PHC3: variants seen among roughly 807,000 people sequenced by gnomAD.
PHC3 encodes the protein polyhomeotic homolog 3, also known as polyhomeotic-like protein 3.
A neutral mutation model predicts 107.4 loss-of-function variants in PHC3; 13 were observed. The observed-to-expected ratio is 0.12, with a 90% CI of 0.08 to 0.19. The LOEUF (loss-of-function observed/expected upper bound fraction) is 0.19. Among genes scored for constraint, PHC3 ranks in the 10% least tolerant of loss-of-function variants. The probability of loss-of-function intolerance (pLI) is 1.00; values close to 1 mark genes in which losing one functional copy is unlikely to be tolerated. For missense variants in PHC3, 992 were observed against 1,210.9 expected, an observed-to-expected ratio of 0.82 and a Z score of 2.68; for synonymous variants, 456 against 427.4, an observed-to-expected ratio of 1.07 and a Z score of -0.83.
At chr3:170,177,665 C>CCAATAGTATG in intron 2 of PHC3, among the ~76,000 whole-genome samples, 1 of 119,692 alleles carries the variant, frequency 8.4e-6, no homozygotes, top group South Asian at 2.6e-4. Flanking sequence ...CCACGCCCAG[C>CCAATAGTATG]ATTTTTTTTT....
chr3:170,157,794 G>C (rs1185878022), intron 4 of PHC3, among the ~76,000 whole-genome samples: 1 of 151,914 alleles, frequency 6.6e-6, no homozygotes, highest in Non-Finnish European at 1.5e-5. Flanking sequence ...TAAGGTTCTT[G>C]ATCTAAAAAC....
rs528054780 is a variant in PHC3 at position 170,162,645 on chromosome 3, C to T, written c.414+8728G>A. Reference sequence around the variant, plus strand: ...TTTGAATTATTACAAGAACATTTAACTCCATGCTTCTGTCTTTGACCCCTA... The same window carrying T: ...TTTGAATTATTACAAGAACATTTAATTCCATGCTTCTGTCTTTGACCCCTA... On this transcript the variant is annotated intron_variant, in intron 4 of 14. Transcript: ENST00000495893. Among the ~76,000 whole-genome samples, 120 of 152,336 alleles carry T rather than the reference C, an allele frequency of 7.9e-4. 2 individuals carry two copies. The highest frequency in any genetic ancestry group is 9.6e-4 in the East Asian group (5 of 5,188).
chr3:170,137,364 A>T (rs1275276941), intron 6 of PHC3, among the ~76,000 whole-genome samples: 1 of 152,166 alleles, frequency 6.6e-6, no homozygotes, highest in African/African-American at 2.4e-5. Flanking sequence ...GGATGGTAGC[A>T]AGGATTATCC....
intron 12 of PHC3, 57 bp downstream of exon 12, chr3:170,106,775 G>A (rs1469288045): frequency 1.6e-6 from 2 of 1,232,800 alleles, no homozygotes; most frequent in African/African-American, 1.5e-5. Context: ...GGGTTTTTTG[G>A]TTTAGTTGCA....
intron 8 of PHC3, among the ~76,000 whole-genome samples, chr3:170,123,440 G>C (rs1359746127): frequency 2.0e-5 from 3 of 151,564 alleles, no homozygotes. Context: ...ATGGGAGAAA[G>C]TTTTTAAGTC....
intron 6 of PHC3, among the ~76,000 whole-genome samples, chr3:170,138,314 T>G (rs901329296): frequency 1.3e-5 from 2 of 152,210 alleles, no homozygotes; most frequent in Non-Finnish European, 2.9e-5. Context: ...ATGGAGTGTC[T>G]TCTCTGATTT....
At chr3:170,135,781 A>C (rs1722976107) in intron 7 of PHC3, among the ~76,000 whole-genome samples, 1 of 152,174 alleles carries the variant, frequency 6.6e-6, no homozygotes, top group Admixed American at 6.6e-5. Flanking sequence ...ATCCTGAGAA[A>C]TTCTGAGATG....
chr3:170,180,605 C>T (rs1417512998), intron 1 of PHC3, among the ~76,000 whole-genome samples: 2 of 147,052 alleles, frequency 1.4e-5, no homozygotes, highest in Non-Finnish European at 3.0e-5. Context: ...AATCAAATCA[C>T]AGCATCATAT....
At chr3:170,178,020 T>C (rs1730765808) in intron 2 of PHC3, among the ~76,000 whole-genome samples, 2 of 152,026 alleles carry the variant, frequency 1.3e-5, no homozygotes, top group South Asian at 4.2e-4. Flanking sequence ...TGGTTAAATG[T>C]GTCCCCCAAT....
At chr3:170,139,127 T>C (rs967300313) in intron 6 of PHC3, among the ~76,000 whole-genome samples, 1 of 152,254 alleles carries the variant, frequency 6.6e-6, no homozygotes, top group Non-Finnish European at 1.5e-5. Context: ...TTACTAAATG[T>C]ATGTTTGTCT....
intron 1 of PHC3, among the ~76,000 whole-genome samples, chr3:170,179,171 G>A (rs1730997633): frequency 6.6e-6 from 1 of 152,106 alleles, no homozygotes; most frequent in African/African-American, 2.4e-5. Flanking sequence ...TTCAGAATAC[G>A]TAACTCAGAT....
intron 14 of PHC3, among the ~76,000 whole-genome samples, chr3:170,100,305 C>G (rs890977188): frequency 6.6e-6 from 1 of 151,812 alleles, no homozygotes; most frequent in Non-Finnish European, 1.5e-5. Flanking sequence ...TTAATGAGAG[C>G]TAAAAGAAGC....
chr3:170,130,738 C>T (rs1053311892), intron 7 of PHC3, among the ~76,000 whole-genome samples: 1 of 152,110 alleles, frequency 6.6e-6, no homozygotes, highest in Non-Finnish European at 1.5e-5. Context: ...TAGGGAGCCC[C>T]CCATCATGCC....
Position 170,097,432 on chromosome 3 carries a change from T to C in PHC3, c.2834-48A>G. On this transcript the variant is annotated intron_variant, in intron 14 of 14. Transcript: ENST00000495893. This position sits in a 1 kb window ranked among gnomAD's most constrained non-coding sequence, Gnocchi z 4.1. ...AAGTTAGAATTAAATATACAACAAT[T>C]AGACATTACTCCTAACAGTCACAGT... 1 of 1,565,684 alleles carries C rather than the reference T, an allele frequency of 6.4e-7. No individual in the cohort carries two copies. The highest frequency in any genetic ancestry group is 8.7e-7 in the Non-Finnish European group (1 of 1,148,854).
chr3:170,130,641 A>G (rs1722097944), intron 7 of PHC3, among the ~76,000 whole-genome samples: 1 of 152,330 alleles, frequency 6.6e-6, no homozygotes, highest in African/African-American at 2.4e-5. Context: ...AAAAACTTCA[A>G]TAATTGATGT....
At chr3:170,156,868 T>C (rs926595950) in intron 4 of PHC3, among the ~76,000 whole-genome samples, 1 of 152,250 alleles carries the variant, frequency 6.6e-6, no homozygotes, top group Non-Finnish European at 1.5e-5. Flanking sequence ...ATGCTGGGAT[T>C]ACAGGTGTGA....
At chr3:170,123,856 A>AC (rs756108938) in intron 8 of PHC3, among the ~76,000 whole-genome samples, 1 of 151,506 alleles carries the variant, frequency 6.6e-6, no homozygotes. Flanking sequence ...AACTAGAAAT[A>AC]CTTTTTTTTT....
chr3:170,181,685 A>G lies in PHC3; in HGVS notation c.14+17T>C. Reference sequence around the variant, plus strand: ...GCCCCCCCTAGTTACGACATCAGTCACCATCTAGTCACTCACTCCGCTTCC... The same window carrying G: ...GCCCCCCCTAGTTACGACATCAGTCGCCATCTAGTCACTCACTCCGCTTCC... On this transcript the variant is annotated intron_variant, in intron 1 of 14. Coordinates refer to ENST00000495893, the MANE Select transcript of PHC3 (RefSeq NM_024947.4). 6.2e-7 allele frequency: 1 copy of G among 1,613,390 alleles called. No individual in the cohort carries two copies. Among genetic ancestry groups the G allele is most frequent in the Non-Finnish European group, 8.5e-7 (1 of 1,179,796 alleles).
rs749580513 is a variant in PHC3 at position 170,128,705 on chromosome 3, T to C, written c.1767A>G (p.Pro589=). ...TTACCACTGGTGGATCAACAGGTGC[T>C]GGTGGTTGCACTTGTAGGTTTACCG... ...TVAVNLQVQP[P]APVDPPVVYQ... is the part of the protein sequence containing the mutation. The change falls in exon 8 of 15, where the codon CCA becomes CCG. Residue 589 remains proline (P), a synonymous_variant. Coordinates refer to ENST00000495893, the MANE Select transcript of PHC3 (RefSeq NM_024947.4). 4.3e-6 allele frequency: 7 copies of C among 1,613,884 alleles called. No individual in the cohort carries two copies. In the African/African-American group the frequency reaches 9.3e-5, roughly 22 times the overall value.
Sources: gnomAD v4.1 joint callset for allele counts (sites outside exome capture counted in the v4.1 genomes callset) on GRCh38, gnomAD v4.1.1 for gene constraint, Gnocchi (gnomAD v3.1) non-coding constraint, MANE v1.5 for transcripts, NCBI Gene and HGNC (gene_info 2026-07-23, HGNC 2026-07-21) for gene names.